The following INO80 variants were observed in gnomAD, a reference collection of about 807,000 sequenced individuals.
INO80 encodes chromatin-remodeling ATPase INO80.
Under a neutral mutation model 203.4 loss-of-function variants are expected in INO80, and 20 were observed. The observed-to-expected ratio is 0.10, with a 90% CI of 0.07 to 0.14. INO80 has a LOEUF of 0.14. Ranked by LOEUF, INO80 falls within the 10% of genes least tolerant of loss-of-function variation. The pLI, the probability that INO80 is intolerant of heterozygous loss-of-function variation, is 1.00. For synonymous variants in INO80, 726 were observed against 685.2 expected (o/e 1.06, Z -0.93); for missense variants, 1,419 against 1,914.4 (o/e 0.74, Z 4.83).
intron 24 of INO80, among the ~76,000 whole-genome samples, chr15:41,031,530 A>G (rs1204423663): frequency 1.3e-4 from 1 of 7,492 alleles, no homozygotes; most frequent in African/African-American, 3.6e-4. Context: ...GGGAGGAAGG[A>G]GAAGGGAGGA....
intron 28 of INO80, chr15:41,005,337 A>C: frequency 2.8e-6 from 1 of 355,284 alleles, no homozygotes; most frequent in East Asian, 4.6e-5. Context: ...TTATTATCCA[A>C]AGAAATAGGC....
chr15:41,060,364 G>A (rs553649917), intron 14 of INO80, among the ~76,000 whole-genome samples: 118 of 152,152 alleles, frequency 7.8e-4, no homozygotes, highest in Admixed American at 1.1e-3. Flanking sequence ...CGAGGCAGGC[G>A]GATCACCTGA....
chr15:41,073,779 AACAATCAAG>A (rs1336136625), intron 10 of INO80, among the ~76,000 whole-genome samples: 1 of 152,204 alleles, frequency 6.6e-6, no homozygotes, highest in Admixed American at 6.5e-5. Context: ...ACCAAGCTAC[AACAATCAAG>A]ACAATCAGGA....
At chr15:41,087,494 A>G in intron 6 of INO80, 68 bp downstream of exon 6, 2 of 1,544,734 alleles carry the variant, frequency 1.3e-6, no homozygotes, top group South Asian at 2.3e-5. Flanking sequence ...GTCCAAATGC[A>G]CCAGTAGGCC....
At chr15:41,077,694 G>A (rs2045426553) in intron 9 of INO80, among the ~76,000 whole-genome samples, 1 of 151,776 alleles carries the variant, frequency 6.6e-6, no homozygotes, top group African/African-American at 2.4e-5. Flanking sequence ...CAAAGTAACT[G>A]GGACTATAGG....
At chr15:41,057,815 A>G (rs1209747607) in intron 16 of INO80, among the ~76,000 whole-genome samples, 5 of 150,168 alleles carry the variant, frequency 3.3e-5, no homozygotes, top group African/African-American at 4.9e-5. Flanking sequence ...AAAAAAAAAA[A>G]AAAAAGAAAG....
At chr15:41,029,399 C>A (rs2044425971) in intron 24 of INO80, among the ~76,000 whole-genome samples, 1 of 152,190 alleles carries the variant, frequency 6.6e-6, no homozygotes, top group African/African-American at 2.4e-5. Flanking sequence ...TTTCCCTGAA[C>A]CAATCAGCAT....
chr15:40,992,629 T>C (rs1424044174), intron 29 of INO80, among the ~76,000 whole-genome samples: 3 of 152,230 alleles, frequency 2.0e-5, no homozygotes, highest in Non-Finnish European at 4.4e-5. Context: ...ACTGTTTCTC[T>C]AGCAACACAC....
intron 18 of INO80, among the ~76,000 whole-genome samples, chr15:41,054,902 T>G (rs2044955391): frequency 6.6e-6 from 1 of 152,142 alleles, no homozygotes; most frequent in South Asian, 2.1e-4. Context: ...CCTCCCAAAG[T>G]GCTGGGATTA....
chr15:41,003,690 T>C (rs2043997762), intron 28 of INO80, among the ~76,000 whole-genome samples: 1 of 152,198 alleles, frequency 6.6e-6, no homozygotes, highest in African/African-American at 2.4e-5. Flanking sequence ...TTATAATCTA[T>C]AAAGTCCCCA....
chr15:41,063,603 G>A (rs1381577084), intron 14 of INO80, among the ~76,000 whole-genome samples: 9 of 152,038 alleles, frequency 5.9e-5, no homozygotes, highest in South Asian at 2.1e-4. Context: ...GTGAAACCCC[G>A]TCTGTACTAA....
At chr15:41,000,527 C>T (rs568574867) in intron 28 of INO80, among the ~76,000 whole-genome samples, 3 of 151,744 alleles carry the variant, frequency 2.0e-5, no homozygotes, top group African/African-American at 7.2e-5. Context: ...GAAACCTTGT[C>T]TCTACAAAAA....
At chr15:41,055,451 T>A in intron 17 of INO80, 87 bp from the exon 18 acceptor site, 1 of 713,296 alleles carries the variant, frequency 1.4e-6, no homozygotes, top group Non-Finnish European at 2.3e-6. Flanking sequence ...ATTGCAGGTG[T>A]ATTAGTGTGT....
chr15:41,008,434 T>TG (rs1232196836), intron 27 of INO80, among the ~76,000 whole-genome samples: 1 of 151,678 alleles, frequency 6.6e-6, no homozygotes, highest in Non-Finnish European at 1.5e-5. Flanking sequence ...GTAGGGGAAA[T>TG]GGGGAGATGT....
At chr15:41,035,402 T>C (rs1480208835) in intron 24 of INO80, among the ~76,000 whole-genome samples, 1 of 151,950 alleles carries the variant, frequency 6.6e-6, no homozygotes, top group Non-Finnish European at 1.5e-5. Flanking sequence ...GGCACCTGCC[T>C]GTAATCCCAG....
intron 24 of INO80, among the ~76,000 whole-genome samples, chr15:41,032,078 C>CACAGCACAGCACAGCACAGCACAGG (rs2044495767): frequency 7.7e-6 from 1 of 130,226 alleles, no homozygotes; most frequent in African/African-American, 3.8e-5. Context: ...CACAGGACAG[C>CACAGCACAGCACAGCACAGCACAGG]ACAGCACAGC....
At chr15:41,049,814 A>G (rs2044836326) in intron 20 of INO80, 121 bp downstream of exon 20, 1 of 859,798 alleles carries the variant, frequency 1.2e-6, no homozygotes, top group Non-Finnish European at 1.8e-6. Context: ...TGAACCTGGG[A>G]GCCAGAGGTT....
intron 35 of INO80, among the ~76,000 whole-genome samples, chr15:40,981,742 C>G (rs180850351): frequency 6.6e-6 from 1 of 152,220 alleles, no homozygotes; most frequent in East Asian, 1.9e-4. Context: ...TCACATATCA[C>G]GGTCACAACA....
At chr15:40,986,841 G>A (rs1403721775) in intron 31 of INO80, among the ~76,000 whole-genome samples, 8 of 152,062 alleles carry the variant, frequency 5.3e-5, no homozygotes, top group Non-Finnish European at 1.5e-5. Context: ...TGGCCAGGCT[G>A]GTCTCAAACT....
Sources: allele counts gnomAD v4.1 joint callset (sites outside exome capture counted in the v4.1 genomes callset), GRCh38; gene constraint gnomAD v4.1.1; transcripts MANE v1.5; gene names NCBI Gene and HGNC (gene_info 2026-07-23, HGNC 2026-07-21).